Variants in TVP23C observed in about 807,000 individuals in gnomAD.
TVP23C encodes the protein trans-golgi network vesicle protein 23 homolog C.
TVP23C carries 19 observed loss-of-function variants against 28.7 expected under a neutral mutation model. That is an observed-to-expected ratio of 0.66 (90% CI 0.46 to 0.97). The LOEUF is 0.97. TVP23C is among the 50% of genes least tolerant of loss of function. TVP23C has a pLI of 0.00. For synonymous variants in TVP23C, 68 were observed against 81.7 expected (o/e 0.83, Z 0.90); for missense variants, 186 against 241.3 (o/e 0.77, Z 1.52).
At chr17:15,561,045 A>T (rs1393862065) in intron 1 of TVP23C, among the ~76,000 whole-genome samples, 2 of 152,160 alleles carry the variant, frequency 1.3e-5, no homozygotes, top group Non-Finnish European at 2.9e-5. Context: ...CTGACAGTCC[A>T]ATTATCATAA....
rs1346543519 is a variant in TVP23C, at chr17:15,553,710, A to G, written c.215T>C (p.Leu72Ser). The change falls in exon 3 of 6, where the codon TTG (leucine) becomes TCG (serine). Residue 72 changes from leucine to serine, a missense_variant. By Grantham distance (145) the Leu-to-Ser change is moderately radical (BLOSUM62 -2). Transcript: ENST00000518321. ...ITCMVTIILL[L>S]SCDFWAVKNV... ...CTTCACTGCCCAAAAGTCACACGAC[A>G]ACAACAAGATAATTGTAACCATACA... 15 of 1,611,172 alleles carry G rather than the reference A, an allele frequency of 9.3e-6. No individual in the cohort carries two copies. Among genetic ancestry groups the G allele is most frequent in the Non-Finnish European group, 1.3e-5 (15 of 1,179,184 alleles).
At chr17:15,547,458 T>G (rs1475190092) in intron 3 of TVP23C, among the ~76,000 whole-genome samples, 1 of 152,144 alleles carries the variant, frequency 6.6e-6, no homozygotes, top group Non-Finnish European at 1.5e-5. Context: ...CCCTTGCTAT[T>G]TGGTTACTGT....
downstream of TVP23C, among the ~76,000 whole-genome samples, chr17:15,532,566 CG>C: frequency 6.6e-6 from 1 of 152,248 alleles, no homozygotes; most frequent in East Asian, 1.9e-4. Context: ...TTATTGATCA[CG>C]GAAAGTCAGC....
At chr17:15,506,072 G>A (rs569731650) in intron 5 of TVP23C, among the ~76,000 whole-genome samples, 2 of 152,366 alleles carry the variant, frequency 1.3e-5, no homozygotes, top group African/African-American at 4.8e-5. Context: ...TGAGGAGTGC[G>A]AGCGCACGGC....
At chr17:15,543,515 A>T (rs58393633) in intron 5 of TVP23C, among the ~76,000 whole-genome samples, 60,416 of 149,006 alleles carry the variant, frequency 0.41, 13,634 homozygotes, top group East Asian at 0.57. Flanking sequence ...AACCTAAAGA[A>T]AAGAACTCAA....
At chr17:15,541,350 C>T (rs895805151) in intron 5 of TVP23C, among the ~76,000 whole-genome samples, 7 of 152,206 alleles carry the variant, frequency 4.6e-5, no homozygotes, top group East Asian at 1.9e-4. Context: ...TCAGACCATA[C>T]GGTCTCTGTT....
intron 5 of TVP23C, among the ~76,000 whole-genome samples, chr17:15,519,426 C>T (rs1394993508): frequency 6.6e-6 from 1 of 151,874 alleles, no homozygotes; most frequent in African/African-American, 2.4e-5. Context: ...GACCCATGAT[C>T]ATGCCACTGC....
In TVP23C at chr17:15,507,851, A is replaced by T. The variant is rs182604393; in HGVS notation, c.463-4619T>A. Among the ~76,000 whole-genome samples, 603 of 152,298 alleles carry T rather than the reference A, an allele frequency of 4.0e-3. 5 individuals are homozygous for T. Among genetic ancestry groups the T allele is most frequent in the African/African-American group, 0.014 (578 of 41,574 alleles). On this transcript the variant is annotated intron_variant, in intron 5 of 5. Transcript: ENST00000225576. ...GAGACTCCATCTCAAAAAAAAGAAA[A>T]GAAAAAACTAAATAACAAAAAAAAG... is the stretch of plus-strand genomic sequence containing the variant.
intron 5 of TVP23C, chr17:15,507,407 G>GA (rs1981804121): frequency 1.7e-6 from 1 of 596,058 alleles, no homozygotes; most frequent in Non-Finnish European, 3.0e-6. Flanking sequence ...GTAGCTCAGA[G>GA]AGAGCACCCT....
rs376482898 is a variant in TVP23C, at chr17:15,553,133, C to T, written c.240+552G>A. 1.6e-4 allele frequency among the ~76,000 whole-genome samples: 23 copies of T among 140,564 alleles called. No individual in the cohort carries two copies. In the South Asian group the frequency reaches 3.8e-3, roughly 23 times the overall value. The allele number at this position is 140,564 out of a possible 152,430, so 92.2% of individuals were successfully genotyped here. On this transcript the variant is annotated intron_variant, in intron 3 of 5. Coordinates refer to ENST00000518321, the MANE Select transcript of TVP23C (RefSeq NM_001135036.2). ...TACCTGCCCTCTAGCCACTAGATGT[C>T]AATAGCACACTCCTCCCACCTCCAG...
chr17:15,505,753 T>C (rs1048982081), intron 5 of TVP23C, among the ~76,000 whole-genome samples: 2 of 152,082 alleles, frequency 1.3e-5, no homozygotes, highest in African/African-American at 4.8e-5. Flanking sequence ...CAGCTGGAGT[T>C]CCGGGTGGGC....
chr17:15,560,269 T>C (rs992187029), intron 1 of TVP23C, among the ~76,000 whole-genome samples: 1 of 149,226 alleles, frequency 6.7e-6, no homozygotes, highest in African/African-American at 2.4e-5. Context: ...TTTCACCATG[T>C]TGGCCAGGAT....
At chr17:15,502,858 T>C (rs757969191) in exon 6 of TVP23C, 4 of 1,569,276 alleles carry the variant, frequency 2.5e-6, no homozygotes, top group Non-Finnish European at 3.5e-6. Flanking sequence ...GATTTGTGGG[T>C]TGTTTTTAAT....
chr17:15,520,275 T>G (rs1982417869), intron 5 of TVP23C, among the ~76,000 whole-genome samples: 1 of 150,316 alleles, frequency 6.7e-6, no homozygotes, highest in African/African-American at 2.5e-5. Flanking sequence ...CTAAAGACAG[T>G]TTTCATATTG....
intron 5 of TVP23C, chr17:15,516,599 C>T (rs1213449846): frequency 6.6e-6 from 1 of 152,092 alleles, no homozygotes; most frequent in Non-Finnish European, 1.5e-5. Flanking sequence ...TAAGGCCTAC[C>T]CATATGACCT....
At chr17:15,557,436 G>A (rs1233407129) in intron 1 of TVP23C, among the ~76,000 whole-genome samples, 2 of 147,526 alleles carry the variant, frequency 1.4e-5, no homozygotes, top group African/African-American at 4.9e-5. Flanking sequence ...GGGATTACAG[G>A]AGTGTGTCTC....
intron 1 of TVP23C, chr17:15,562,370 C>T (rs1984437877): frequency 6.6e-6 from 1 of 152,238 alleles, no homozygotes; most frequent in Non-Finnish European, 1.5e-5. Flanking sequence ...AGGCGTGCAT[C>T]ATCACGCCCA....
At chr17:15,548,553 T>A (rs1983747897) in intron 3 of TVP23C, among the ~76,000 whole-genome samples, 1 of 152,222 alleles carries the variant, frequency 6.6e-6, no homozygotes, top group Admixed American at 6.5e-5. Context: ...TGAACATAGG[T>A]AAAATTAAAA....
chr17:15,507,739 T>C (rs1348299633), intron 5 of TVP23C, among the ~76,000 whole-genome samples: 1 of 151,920 alleles, frequency 6.6e-6, no homozygotes, highest in Non-Finnish European at 1.5e-5. Context: ...CTCGGGAGGC[T>C]GATGCAGGAG....
Sources: gnomAD v4.1 joint callset for allele counts (sites outside exome capture counted in the v4.1 genomes callset) on GRCh38, gnomAD v4.1.1 for gene constraint, MANE v1.5 for transcripts, NCBI Gene and HGNC (gene_info 2026-07-23, HGNC 2026-07-21) for gene names.